The following GMDS variants were observed in gnomAD, a reference collection of about 807,000 sequenced individuals.
GMDS encodes GDP-mannose 4,6-dehydratase.
A neutral mutation model predicts 49.9 loss-of-function variants in GMDS; 20 were observed. The observed-to-expected ratio is 0.40, with a 90% CI of 0.28 to 0.58. GMDS has a LOEUF of 0.58. GMDS is among the 20% of genes least tolerant of loss of function. The pLI is 0.42. For missense variants in GMDS, 362 were observed against 481.4 expected (o/e 0.75, Z 2.32); for synonymous variants, 177 against 178.6 (o/e 0.99, Z 0.07).
chr6:2,055,062 C>T (rs1461123404), intron 4 of GMDS, among the ~76,000 whole-genome samples: 3 of 151,816 alleles, frequency 2.0e-5, no homozygotes, highest in South Asian at 2.1e-4. Context: ...GATATAAAAT[C>T]GACATTGTTA....
intron 1 of GMDS, among the ~76,000 whole-genome samples, chr6:2,210,925 A>G (rs1780035003): frequency 6.6e-6 from 1 of 152,068 alleles, no homozygotes; most frequent in Non-Finnish European, 1.5e-5. Context: ...TCTCGTGATA[A>G]TGAGTTATCA....
At chr6:2,140,946 C>T (rs1473764957) in intron 1 of GMDS, among the ~76,000 whole-genome samples, 3 of 152,112 alleles carry the variant, frequency 2.0e-5, no homozygotes, top group African/African-American at 7.2e-5. Context: ...GGAACCACCT[C>T]CTCTGGGAAG....
chr6:1,891,405 T>C (rs998196927), intron 7 of GMDS, among the ~76,000 whole-genome samples: 2 of 152,228 alleles, frequency 1.3e-5, no homozygotes, highest in African/African-American at 4.8e-5. Context: ...TGAATGGCTG[T>C]GTCAGAACAA....
At chr6:2,159,621 C>T (rs1777290620) in intron 1 of GMDS, among the ~76,000 whole-genome samples, 1 of 147,810 alleles carries the variant, frequency 6.8e-6, no homozygotes, top group Non-Finnish European at 1.5e-5. Flanking sequence ...CAGGCTCAAG[C>T]AATGCTCCTG....
At chr6:1,966,293 C>T (rs1764253372) in intron 4 of GMDS, among the ~76,000 whole-genome samples, 1 of 150,028 alleles carries the variant, frequency 6.7e-6, no homozygotes, top group South Asian at 2.1e-4. Context: ...AAGAGAGTTG[C>T]ATTTTCAGAG....
intron 7 of GMDS, among the ~76,000 whole-genome samples, chr6:1,896,597 G>GCCATGTGAGGCAGGAC (rs1271583719): frequency 6.6e-6 from 1 of 152,142 alleles, no homozygotes; most frequent in Non-Finnish European, 1.5e-5. Context: ...TCAGGTGAGG[G>GCCATGTGAGGCAGGAC]CCATGTGAGG....
rs148466465 is a variant in GMDS at position 1,656,910 on chromosome 6, G to A, written c.988-32370C>T. ...GTCCCTTCAAGCAGCCTCTTCCCCA[G>A]GAGGCAATCTTTACCTTCACTAGCC... On this transcript the variant is annotated intron_variant, in intron 9 of 10. Coordinates refer to ENST00000380815, the MANE Select transcript of GMDS (RefSeq NM_001500.4). Among the ~76,000 whole-genome samples, 22 of 152,238 alleles carry A rather than the reference G, an allele frequency of 1.4e-4. No individual in the cohort carries two copies. In the East Asian group the frequency reaches 3.3e-3, roughly 23 times the overall value.
chr6:2,171,363 C>A (rs536506192), intron 1 of GMDS, among the ~76,000 whole-genome samples: 2 of 152,326 alleles, frequency 1.3e-5, no homozygotes, highest in East Asian at 3.9e-4. Context: ...ATACCATAAA[C>A]TAGGTGCCTA....
At chr6:2,056,429 C>T (rs1055974055) in intron 4 of GMDS, among the ~76,000 whole-genome samples, 11 of 152,166 alleles carry the variant, frequency 7.2e-5, no homozygotes, top group Non-Finnish European at 2.9e-5. Flanking sequence ...TTTGAATGTT[C>T]ACCAATACCA....
intron 7 of GMDS, among the ~76,000 whole-genome samples, chr6:1,820,956 C>G (rs1770862663): frequency 6.6e-6 from 1 of 152,242 alleles, no homozygotes; most frequent in African/African-American, 2.4e-5. Flanking sequence ...ACTAACTTCT[C>G]TATGGCCTCA....
At chr6:1,965,925 A>G (rs1764234910) in intron 4 of GMDS, among the ~76,000 whole-genome samples, 1 of 152,202 alleles carries the variant, frequency 6.6e-6, no homozygotes, top group Non-Finnish European at 1.5e-5. Context: ...ACACACGAAA[A>G]CATGGAAGGT....
At chr6:2,152,608 T>C (rs1776895426) in intron 1 of GMDS, among the ~76,000 whole-genome samples, 1 of 152,082 alleles carries the variant, frequency 6.6e-6, no homozygotes, top group South Asian at 2.1e-4. Flanking sequence ...ACAGAAAATA[T>C]TTTTAAATAT....
intron 4 of GMDS, among the ~76,000 whole-genome samples, chr6:1,974,095 T>C (rs1764763871): frequency 6.6e-6 from 1 of 152,064 alleles, no homozygotes; most frequent in Non-Finnish European, 1.5e-5. Context: ...TCGATTTCTC[T>C]TGACCTCTCT....
At chr6:1,722,778 A>T (rs1427280536) in intron 9 of GMDS, among the ~76,000 whole-genome samples, 2 of 152,250 alleles carry the variant, frequency 1.3e-5, no homozygotes, top group African/African-American at 2.4e-5. Flanking sequence ...TCTAAGAATG[A>T]ACACACAATG....
At chr6:2,035,106 C>T (rs1581549887) in intron 4 of GMDS, among the ~76,000 whole-genome samples, 2 of 152,210 alleles carry the variant, frequency 1.3e-5, no homozygotes, top group South Asian at 2.1e-4. Flanking sequence ...ATTCTTCACA[C>T]ACACAACATC....
intron 4 of GMDS, among the ~76,000 whole-genome samples, chr6:2,050,465 A>C (rs991153915): frequency 6.6e-6 from 1 of 152,242 alleles, no homozygotes. Context: ...AGGAGCTGGT[A>C]CCATTCCTTC....
intron 4 of GMDS, among the ~76,000 whole-genome samples, chr6:1,963,252 AT>A: frequency 6.6e-6 from 1 of 151,996 alleles, no homozygotes; most frequent in African/African-American, 2.4e-5. Flanking sequence ...CACAGGCATA[AT>A]CATAGCAAAC....
chr6:1,799,453 T>C (rs906832105), intron 7 of GMDS, among the ~76,000 whole-genome samples: 3 of 152,144 alleles, frequency 2.0e-5, no homozygotes, highest in Admixed American at 1.3e-4. Flanking sequence ...ATACCTCTGA[T>C]GGGAATAATT....
chr6:2,201,937 G>C (rs1779558303), intron 1 of GMDS, among the ~76,000 whole-genome samples: 3 of 124,440 alleles, frequency 2.4e-5, no homozygotes, highest in African/African-American at 9.1e-5. Flanking sequence ...GCACCACATG[G>C]ACATCCGAGA....
Sources: allele counts gnomAD v4.1 joint callset (sites outside exome capture counted in the v4.1 genomes callset), GRCh38; gene constraint gnomAD v4.1.1; transcripts MANE v1.5; gene names NCBI Gene and HGNC (gene_info 2026-07-23, HGNC 2026-07-21).